Variants in SLC11A2 observed in about 807,000 individuals in gnomAD.
The protein encoded by SLC11A2 is solute carrier family 11 member 2, also known as natural resistance-associated macrophage protein 2.
In SLC11A2, 38 loss-of-function variants were observed where a neutral mutation model predicts 68.0. The ratio of observed to expected loss-of-function variants is 0.56; its 90% confidence interval spans 0.43 to 0.73. SLC11A2 has a LOEUF of 0.73. Ranked by LOEUF, SLC11A2 falls within the 30% of genes least tolerant of loss-of-function variation. The pLI, the probability that SLC11A2 is intolerant of heterozygous loss-of-function variation, is 0.00. For synonymous variants in SLC11A2, 242 were observed against 250.6 expected (o/e 0.97, Z 0.32); for missense variants, 517 against 690.5 (o/e 0.75, Z 2.82).
At chr12:50,954,034 T>G in the SLC11A2 span, 1 of 1,613,282 alleles carries the variant, frequency 6.2e-7, no homozygotes, top group South Asian at 1.1e-5. Flanking sequence ...CAGATGAGGA[T>G]GAAGGCCAAT....
At chr12:51,013,414 C>T (rs1004434159) in intron 1 of SLC11A2, among the ~76,000 whole-genome samples, 34 of 151,392 alleles carry the variant, frequency 2.2e-4, no homozygotes, top group Admixed American at 1.9e-3. Flanking sequence ...CCTCAGCCTC[C>T]GAAGTAGCTA....
intron 15 of SLC11A2, among the ~76,000 whole-genome samples, chr12:50,989,724 G>GA (rs1940955633): frequency 6.6e-6 from 1 of 151,876 alleles, no homozygotes; most frequent in African/African-American, 2.4e-5. Context: ...TTATTGGGAA[G>GA]AAAAAAAGAA....
intron 3 of SLC11A2, chr12:51,006,168 A>T (rs1186074197): frequency 6.0e-6 from 1 of 165,966 alleles, no homozygotes; most frequent in African/African-American, 2.4e-5. Context: ...GCGTAACGGC[A>T]CATGCCTGTA....
At chr12:50,979,616 TCA>T (rs1939909373), downstream of SLC11A2, 1 of 314,732 alleles carries the variant, frequency 3.2e-6, no homozygotes, top group East Asian at 7.9e-5. Context: ...GAATTCAGTC[TCA>T]GTTTTAAGAT....
chr12:50,966,340 C>T, the SLC11A2 span, among the ~76,000 whole-genome samples: 1 of 152,150 alleles, frequency 6.6e-6, no homozygotes, highest in Non-Finnish European at 1.5e-5. Context: ...TCTAACATAC[C>T]AATCTCCCTA....
intron 1 of SLC11A2, among the ~76,000 whole-genome samples, chr12:51,013,233 A>T (rs955419049): frequency 2.0e-5 from 3 of 152,112 alleles, no homozygotes; most frequent in African/African-American, 7.2e-5. Context: ...TGCAAGTATA[A>T]TAACTCAAGT....
At chr12:50,993,029 G>T in intron 11 of SLC11A2, 100 bp from the exon 12 acceptor site, 1 of 1,404,522 alleles carries the variant, frequency 7.1e-7, no homozygotes, top group Non-Finnish European at 9.9e-7. Flanking sequence ...TCTTTGCTAT[G>T]CACCACCAAC....
chr12:51,018,224 G>A (rs1194231779), intron 1 of SLC11A2, among the ~76,000 whole-genome samples: 6 of 151,948 alleles, frequency 3.9e-5, no homozygotes, highest in Admixed American at 1.3e-4. Flanking sequence ...ACAAAACCCC[G>A]TCTCTACTAA....
chr12:51,026,147 T>G (rs1944368566), intron 1 of SLC11A2, 163 bp downstream of exon 1: 1 of 1,154,970 alleles, frequency 8.7e-7, no homozygotes, highest in Non-Finnish European at 1.1e-6. Flanking sequence ...ACTCTGGGCC[T>G]GAGGCCCTCC....
intron 13 of SLC11A2, 58 bp downstream of exon 13, chr12:50,992,132 G>T: frequency 1.3e-6 from 2 of 1,563,470 alleles, no homozygotes; most frequent in Non-Finnish European, 1.8e-6. Flanking sequence ...TGGTACCCAA[G>T]GGCAGTACAT....
At chr12:50,996,510 G>A (rs1169506611) in intron 9 of SLC11A2, among the ~76,000 whole-genome samples, 3 of 151,698 alleles carry the variant, frequency 2.0e-5, no homozygotes, top group Non-Finnish European at 4.4e-5. Flanking sequence ...GGGAGGGAGA[G>A]GTTTGCAGTG....
At chr12:51,000,950 G>A (rs1942159154) in intron 5 of SLC11A2, among the ~76,000 whole-genome samples, 1 of 151,988 alleles carries the variant, frequency 6.6e-6, no homozygotes, top group Admixed American at 6.6e-5. Context: ...TGGATCACCT[G>A]AGGACAGGGT....
chr12:50,954,125 T>A, the SLC11A2 span: 2 of 1,267,298 alleles, frequency 1.6e-6, no homozygotes, highest in Non-Finnish European at 2.3e-6. Flanking sequence ...TGCAGAAAAC[T>A]GTAATAACAC....
At chr12:51,015,102 G>A (rs1018614072) in intron 1 of SLC11A2, among the ~76,000 whole-genome samples, 3 of 151,910 alleles carry the variant, frequency 2.0e-5, no homozygotes, top group Non-Finnish European at 4.4e-5. Flanking sequence ...GGAGGTTGCG[G>A]TGAGCCAATA....
chr12:50,987,738 C>G lies in SLC11A2; in HGVS notation c.*587G>C. 7.8e-7 allele frequency: 1 copy of G among 1,287,134 alleles called. No individual in the cohort carries two copies. Among genetic ancestry groups the G allele is most frequent in the Non-Finnish European group, 1.0e-6 (1 of 988,656 alleles). The allele number at this position is 1,287,134 out of a possible 1,614,324, so 79.7% of individuals were successfully genotyped here. A position where few individuals can be genotyped will look rare whatever the true frequency, so the allele number is the denominator to read the frequency against. On this transcript the variant is annotated 3_prime_UTR_variant, in exon 16 of 16. Transcript: ENST00000262052. The stretch of plus-strand genomic sequence containing the variant: ...GTTTTCTCACCCCTCTTAACTTCCA[C>G]TGAGAAATTAAAGTGGAAATAAGTT...
chr12:50,993,447 C>T (rs1941382389), intron 11 of SLC11A2, among the ~76,000 whole-genome samples: 2 of 152,082 alleles, frequency 1.3e-5, no homozygotes, highest in Admixed American at 1.3e-4. Flanking sequence ...AATCCCAGCA[C>T]TTTGGGAGGC....
chr12:51,026,377 G>C lies in SLC11A2; in HGVS notation c.-106C>G, dbSNP rs867517914. 7.8e-7 allele frequency: 1 copy of C among 1,278,916 alleles called. No individual in the cohort carries two copies. Among genetic ancestry groups the C allele is most frequent in the African/African-American group, 1.5e-5 (1 of 65,706 alleles). The allele number at this position is 1,278,916 out of a possible 1,614,324, so 79.2% of individuals were successfully genotyped here. ...AGGGCTCCATATTCCGGGAGCCAGC[G>C]CCACGCTGGCTAACGCCCTCCCCTC... On this transcript the variant is annotated 5_prime_UTR_variant, in exon 1 of 16. Transcript: ENST00000262052.
At position 50,995,207 on chromosome 12, in the gene SLC11A2, G is replaced by C. The variant is rs140324161; in HGVS notation, c.990+422C>G. On this transcript the variant is annotated intron_variant, in intron 10 of 15. Transcript: ENST00000262052. ...GGCACCTGTAATCCCAGCTACTCAG[G>C]AGGCTGAGGCAGGAGAATCGCTTGA... is the stretch of plus-strand genomic sequence containing the variant. The C allele has an allele frequency of 2.8e-3, 713 of 257,750 alleles. 1 individual carries two copies. Among genetic ancestry groups the C allele is most frequent in the Middle Eastern group, 0.013 (9 of 684 alleles). The allele number at this position is 257,750 out of a possible 1,614,324, so 16.0% of individuals were successfully genotyped here. A position where few individuals can be genotyped will look rare whatever the true frequency, so the allele number is the denominator to read the frequency against.
rs1941509618 is a variant in SLC11A2 at position 50,994,474 on chromosome 12, C to T, written c.1077+70G>A. The stretch of plus-strand genomic sequence containing the variant: ...TATGCTCATATCTGAAGTGAAGTCA[C>T]AAAAAAGACCACATACTATGCTAAA... On this transcript the variant is annotated intron_variant, in intron 11 of 15. Coordinates refer to ENST00000262052, the MANE Select transcript of SLC11A2 (RefSeq NM_000617.3). 8 of 1,008,766 alleles carry T rather than the reference C, an allele frequency of 7.9e-6. No homozygotes were observed. In the Admixed American group the frequency reaches 8.5e-5, roughly 11 times the overall value. 62.5% of individuals were successfully genotyped at this position (1,008,766 alleles called of 1,614,324 possible). A position where few individuals can be genotyped will look rare whatever the true frequency, so the allele number is the denominator to read the frequency against.
Sources: gnomAD v4.1 joint callset for allele counts (sites outside exome capture counted in the v4.1 genomes callset) on GRCh38, gnomAD v4.1.1 for gene constraint, MANE v1.5 for transcripts, NCBI Gene and HGNC (gene_info 2026-07-23, HGNC 2026-07-21) for gene names.